GRM8: variants seen among roughly 807,000 people sequenced by gnomAD.
GRM8 encodes glutamate metabotropic receptor 8.
A neutral mutation model predicts 87.2 loss-of-function variants in GRM8; 47 were observed. That is an observed-to-expected ratio of 0.54 (90% CI 0.43 to 0.69). The LOEUF (loss-of-function observed/expected upper bound fraction) is 0.69. Among genes scored for constraint, GRM8 ranks in the 30% least tolerant of loss-of-function variants. GRM8 has a pLI of 0.00. For missense variants in GRM8, 1,019 were observed against 1,139.2 expected (o/e 0.89, Z 1.52); for synonymous variants, 396 against 404.5 (o/e 0.98, Z 0.25).
chr7:126,901,597 A>T (rs1158248530), intron 6 of GRM8, among the ~76,000 whole-genome samples: 1 of 152,068 alleles, frequency 6.6e-6, no homozygotes, highest in Non-Finnish European at 1.5e-5. Flanking sequence ...AGCTTTTAGT[A>T]TATTACATCT....
chr7:126,895,055 T>A (rs1801412387), intron 6 of GRM8, among the ~76,000 whole-genome samples: 1 of 152,076 alleles, frequency 6.6e-6, no homozygotes, highest in African/African-American at 2.4e-5. Context: ...CTGTGTACGT[T>A]TCTTTAAATT....
intron 3 of GRM8, among the ~76,000 whole-genome samples, chr7:127,087,894 T>C (rs1185693682): frequency 6.6e-6 from 1 of 152,208 alleles, no homozygotes; most frequent in Non-Finnish European, 1.5e-5. Flanking sequence ...TGCTCAATAA[T>C]AGGGCTCCCC....
intron 6 of GRM8, among the ~76,000 whole-genome samples, chr7:126,895,303 T>C (rs892952463): frequency 1.3e-5 from 2 of 152,090 alleles, no homozygotes; most frequent in African/African-American, 2.4e-5. Flanking sequence ...TTTAGCACAG[T>C]TGAATGTTTA....
intron 7 of GRM8, among the ~76,000 whole-genome samples, chr7:126,668,284 GGACCCC>G (rs1806011129): frequency 6.6e-6 from 1 of 152,144 alleles, no homozygotes; most frequent in South Asian, 2.1e-4. Flanking sequence ...GGACGGACAA[GGACCCC>G]ATCGCTAGCT....
intron 2 of GRM8, among the ~76,000 whole-genome samples, chr7:127,235,685 C>T (rs1797945148): frequency 6.6e-6 from 1 of 152,176 alleles, no homozygotes; most frequent in South Asian, 2.1e-4. Context: ...ATCAGAATCA[C>T]CTGGTGATCT....
intron 3 of GRM8, among the ~76,000 whole-genome samples, chr7:126,909,880 T>G (rs773242147): frequency 2.6e-5 from 4 of 152,210 alleles, no homozygotes; most frequent in Non-Finnish European, 5.9e-5. Context: ...AAAGCCAGAT[T>G]TGTCTGCCTC....
chr7:126,792,786 GA>G (rs914617097), intron 6 of GRM8, among the ~76,000 whole-genome samples: 28 of 152,324 alleles, frequency 1.8e-4, no homozygotes, highest in Middle Eastern at 3.4e-3. Context: ...ATGGGAAACA[GA>G]AGTAGCTGCA....
At chr7:126,976,222 G>T (rs1475788472) in intron 3 of GRM8, among the ~76,000 whole-genome samples, 1 of 152,106 alleles carries the variant, frequency 6.6e-6, no homozygotes, top group Non-Finnish European at 1.5e-5. Flanking sequence ...TCTAAAATCA[G>T]AAATTAAAGC....
chr7:126,591,782 C>T (rs1276963983), intron 8 of GRM8, among the ~76,000 whole-genome samples: 4 of 151,152 alleles, frequency 2.6e-5, no homozygotes, highest in Non-Finnish European at 4.4e-5. Context: ...AAAAGATCAT[C>T]ACAGAAATAA....
Position 126,822,835 on chromosome 7 carries a change from A to T in GRM8, c.1157-52770T>A, listed in dbSNP as rs188109159. Among the ~76,000 whole-genome samples, 43 of 152,300 alleles carry T rather than the reference A, an allele frequency of 2.8e-4. 2 individuals carry two copies. In the East Asian group the frequency reaches 6.4e-3, roughly 23 times the overall value. On this transcript the variant is annotated intron_variant, in intron 6 of 10. Transcript: ENST00000339582. ...TCTTCCTAGATTAATGCATCTACAT[A>T]TCTGGTTTTACTTGCTATCCAGATG...
intron 3 of GRM8, among the ~76,000 whole-genome samples, chr7:127,037,201 A>C (rs990235381): frequency 3.9e-5 from 6 of 152,168 alleles, no homozygotes; most frequent in Non-Finnish European, 7.3e-5. Flanking sequence ...TCTTCTCACT[A>C]GGAAAAAAAT....
At chr7:127,196,559 A>G (rs918151317) in intron 2 of GRM8, among the ~76,000 whole-genome samples, 1 of 151,690 alleles carries the variant, frequency 6.6e-6, no homozygotes, top group Admixed American at 6.6e-5. Flanking sequence ...GCAAAAAACC[A>G]CACATGCCCC....
chr7:126,596,673 T>C (rs796208974), intron 8 of GRM8, among the ~76,000 whole-genome samples: 7 of 152,170 alleles, frequency 4.6e-5, no homozygotes, highest in Non-Finnish European at 1.0e-4. Context: ...TGGTAGCACA[T>C]ACGCAGATAT....
chr7:126,964,422 G>A (rs1241750234), intron 3 of GRM8, among the ~76,000 whole-genome samples: 1 of 152,076 alleles, frequency 6.6e-6, no homozygotes, highest in African/African-American at 2.4e-5. Context: ...TCTAACAAAG[G>A]GCTAATATCC....
chr7:126,822,254 C>T (rs1364293795), intron 6 of GRM8, among the ~76,000 whole-genome samples: 1 of 152,116 alleles, frequency 6.6e-6, no homozygotes, highest in East Asian at 1.9e-4. Flanking sequence ...GTTAAGGACA[C>T]CAAGAACTCT....
At chr7:126,752,444 T>G (rs902714440) in intron 7 of GRM8, among the ~76,000 whole-genome samples, 1 of 152,146 alleles carries the variant, frequency 6.6e-6, no homozygotes, top group Non-Finnish European at 1.5e-5. Flanking sequence ...TGTTCAGTAG[T>G]GTCATGTTCA....
chr7:126,751,287 T>C (rs1404631418), intron 7 of GRM8, among the ~76,000 whole-genome samples: 2 of 127,174 alleles, frequency 1.6e-5, no homozygotes, highest in African/African-American at 5.1e-5. Flanking sequence ...TTGTATGGCT[T>C]CTTTTTTGAA....
At chr7:126,628,124 G>C (rs543550892) in intron 7 of GRM8, among the ~76,000 whole-genome samples, 2 of 151,892 alleles carry the variant, frequency 1.3e-5, no homozygotes, top group Non-Finnish European at 2.9e-5. Flanking sequence ...AGCTCACTGC[G>C]ACCTCCACCT....
intron 9 of GRM8, among the ~76,000 whole-genome samples, chr7:126,510,530 T>C (rs544020047): frequency 1.3e-4 from 19 of 151,956 alleles, no homozygotes; most frequent in African/African-American, 4.4e-4. Flanking sequence ...CTGAAGGACT[T>C]TTGAAGGAAA....
Sources: gnomAD v4.1 joint callset for allele counts (sites outside exome capture counted in the v4.1 genomes callset) on GRCh38, gnomAD v4.1.1 for gene constraint, MANE v1.5 for transcripts, NCBI Gene and HGNC (gene_info 2026-07-23, HGNC 2026-07-21) for gene names.